Variants in CBLB observed in about 807,000 individuals in gnomAD.
CBLB encodes the protein Cbl proto-oncogene B.
A neutral mutation model predicts 104.9 loss-of-function variants in CBLB; 31 were observed. That is an observed-to-expected ratio of 0.30 (90% CI 0.22 to 0.40). CBLB has a LOEUF of 0.40. Among genes scored for constraint, CBLB ranks in the 10% least tolerant of loss-of-function variants. CBLB has a pLI of 1.00. For missense variants in CBLB, 1,062 were observed against 1,214.6 expected (o/e 0.87, Z 1.87); for synonymous variants, 440 against 422.6 (o/e 1.04, Z -0.51).
At chr3:105,688,899 C>T (rs979591819) in intron 13 of CBLB, among the ~76,000 whole-genome samples, 3 of 151,996 alleles carry the variant, frequency 2.0e-5, no homozygotes, top group Admixed American at 1.3e-4. Flanking sequence ...GTTTGTAAAT[C>T]GGAGAAACAG....
intron 5 of CBLB, among the ~76,000 whole-genome samples, chr3:105,749,289 TA>T (rs5851470): frequency 0.12 from 17,663 of 152,186 alleles, 1,246 homozygotes; most frequent in East Asian, 0.4. Flanking sequence ...ATCATGTTTT[TA>T]AAATGATTAG....
At chr3:105,701,270 GGGGAAAAGAACTT>G (rs1362191821) in intron 12 of CBLB, among the ~76,000 whole-genome samples, 7 of 152,164 alleles carry the variant, frequency 4.6e-5, no homozygotes, top group South Asian at 2.1e-4. Context: ...CTCAATTTTA[GGGGAAAAGAACTT>G]GGGAAAAGAA....
At chr3:105,779,155 T>C (rs1041941708) in intron 3 of CBLB, among the ~76,000 whole-genome samples, 11 of 152,230 alleles carry the variant, frequency 7.2e-5, no homozygotes, top group Admixed American at 3.3e-4. Context: ...ATATCCAATT[T>C]ATTTTTTTAA....
intron 3 of CBLB, among the ~76,000 whole-genome samples, chr3:105,780,670 T>TTTTTTTTTTTTTTTTTTTTTTTTTG (rs1560209728): frequency 3.7e-5 from 5 of 135,172 alleles, no homozygotes; most frequent in Admixed American, 7.8e-5. Context: ...GTTTTTTTTT[T>TTTTTTTTTTTTTTTTTTTTTTTTTG]TTTTTTTTTT....
chr3:105,665,538 G>C (rs1463792439), intron 18 of CBLB, among the ~76,000 whole-genome samples: 2 of 143,880 alleles, frequency 1.4e-5, no homozygotes, highest in African/African-American at 5.1e-5. Context: ...ATATTACACA[G>C]TAAAAATAAA....
intron 3 of CBLB, among the ~76,000 whole-genome samples, chr3:105,799,906 T>C (rs1295233295): frequency 6.6e-6 from 1 of 152,216 alleles, no homozygotes; most frequent in Non-Finnish European, 1.5e-5. Context: ...CTTAGTCATG[T>C]CCTTTCATAT....
At chr3:105,720,275 T>C (rs1179442831) in intron 9 of CBLB, 25 bp from the exon 10 acceptor site, 2 of 1,583,216 alleles carry the variant, frequency 1.3e-6, no homozygotes, top group South Asian at 2.2e-5. Context: ...AATGCATGGA[T>C]TGGTTTTGTT....
intron 3 of CBLB, among the ~76,000 whole-genome samples, chr3:105,847,408 A>T (rs534440747): frequency 1.5e-3 from 233 of 150,982 alleles, no homozygotes; most frequent in Middle Eastern, 0.01. Context: ...ACACACACAC[A>T]CACACACACA....
At chr3:105,693,670 G>A in intron 12 of CBLB, 82 bp from the exon 13 acceptor site, 1 of 873,824 alleles carries the variant, frequency 1.1e-6, no homozygotes, top group Non-Finnish European at 1.9e-6. Context: ...CCATTCTGAA[G>A]ACAATATGTA....
chr3:105,848,639 G>A (rs1230444589), intron 3 of CBLB, among the ~76,000 whole-genome samples: 1 of 152,006 alleles, frequency 6.6e-6, no homozygotes, highest in African/African-American at 2.4e-5. Context: ...ATTAAAATAT[G>A]CATTTTGATT....
intron 4 of CBLB, among the ~76,000 whole-genome samples, chr3:105,772,994 C>G (rs754347311): frequency 1.3e-5 from 2 of 152,114 alleles, no homozygotes; most frequent in African/African-American, 2.4e-5. Flanking sequence ...CTTTAAAGAA[C>G]TAAAAGTAGA....
Position 105,681,506 on chromosome 3 carries a change from C to A in CBLB, c.2401G>T (p.Asp801Tyr). Residue 801 changes from aspartate to tyrosine, a missense_variant, in exon 16 of 19, where the codon GAT (aspartate) becomes TAT (tyrosine). Coordinates refer to ENST00000394030, the MANE Select transcript of CBLB (RefSeq NM_170662.5). ...AATGGAGGGATGAGAAGATCATAAT[C>A]AGAGGGCGTCCTGTTGAGTGAAGAA... The part of the protein sequence containing the change: ...HGSSLNRTPS[D>Y]YDLLIPPLGE... 6.2e-7 allele frequency: 1 copy of A among 1,614,114 alleles called. No homozygotes were observed. Among genetic ancestry groups the A allele is most frequent in the East Asian group, 2.2e-5 (1 of 44,872 alleles).
At position 105,702,477 on chromosome 3, in the gene CBLB, A is replaced by AAAG; in HGVS notation, c.1594-19_1594-18insCTT. 1 of 838,696 alleles carries AAAG rather than the reference A, an allele frequency of 1.2e-6. No homozygotes were observed. The highest frequency in any genetic ancestry group is 1.5e-6 in the Non-Finnish European group (1 of 664,440). The allele number at this position is 838,696 out of a possible 1,614,324, so 52.0% of individuals were successfully genotyped here. On this transcript the variant is annotated intron_variant, in intron 11 of 18. Coordinates refer to ENST00000394030, the MANE Select transcript of CBLB (RefSeq NM_170662.5). ...GGAGAAGACTAAAGAAACAGAAGAG[A>AAAG]AAAAAAAAAAAAAAAAAAAAAACTA...
intron 3 of CBLB, among the ~76,000 whole-genome samples, chr3:105,791,282 A>G (rs1325415677): frequency 6.6e-6 from 1 of 152,234 alleles, no homozygotes; most frequent in East Asian, 1.9e-4. Context: ...GCGGAGTCTC[A>G]GCCCCTGGTG....
intron 5 of CBLB, among the ~76,000 whole-genome samples, chr3:105,747,196 A>T (rs1391748260): frequency 6.6e-6 from 1 of 152,170 alleles, no homozygotes; most frequent in East Asian, 1.9e-4. Flanking sequence ...CTGACGCTAC[A>T]TTTATTCCAA....
intron 9 of CBLB, among the ~76,000 whole-genome samples, chr3:105,726,330 C>T (rs115183129): frequency 0.013 from 1,917 of 152,080 alleles, 39 homozygotes; most frequent in African/African-American, 0.044. Context: ...ATTTTGAATA[C>T]GCTGATATCT....
chr3:105,771,839 A>C (rs1482066921), intron 4 of CBLB, among the ~76,000 whole-genome samples: 4 of 152,174 alleles, frequency 2.6e-5, no homozygotes, highest in Non-Finnish European at 5.9e-5. Context: ...AGGAGGTGAA[A>C]GATCTCTAGA....
Position 105,737,227 on chromosome 3 carries a change from G to A in CBLB, c.1015C>T (p.Pro339Ser). 2 of 1,584,524 alleles carry A rather than the reference G, an allele frequency of 1.3e-6. No individual in the cohort carries two copies. The highest frequency in any genetic ancestry group is 2.2e-5 in the East Asian group (1 of 44,478). ...YLYPDGRSYN[P>S]DLTGLCEPTP... ...GGTTCACATAATCCAGTTAAATCAG[G>A]ATTATAACTCCTCCCATCAGGATAA... Residue 339 changes from proline to serine, a missense_variant, in exon 8 of 19, where the codon CCT becomes TCT. By Grantham distance (74) the Pro-to-Ser change is moderately conservative. Around this residue, in one of 2 missense-constraint regions of CBLB, gnomAD observed 457 missense variants for 632.0 expected, o/e 0.72. Coordinates refer to ENST00000394030, the MANE Select transcript of CBLB (RefSeq NM_170662.5).
intron 18 of CBLB, among the ~76,000 whole-genome samples, chr3:105,662,051 T>C (rs1197869433): frequency 6.6e-6 from 1 of 152,174 alleles, no homozygotes; most frequent in Non-Finnish European, 1.5e-5. Context: ...AGCAGAATAT[T>C]AAAAAGCAAG....
Sources: gnomAD v4.1 joint callset for allele counts (sites outside exome capture counted in the v4.1 genomes callset) on GRCh38, gnomAD v4.1.1 for gene constraint, gnomAD v4.1.1 regional missense constraint, MANE v1.5 for transcripts, NCBI Gene and HGNC (gene_info 2026-07-23, HGNC 2026-07-21) for gene names.